ADAMTSL1: variants seen among roughly 807,000 people sequenced by gnomAD.
ADAMTSL1 encodes ADAMTS-like protein 1.
Under a neutral mutation model 201.8 loss-of-function variants are expected in ADAMTSL1, and 126 were observed. The observed-to-expected ratio is 0.62, with a 90% CI of 0.54 to 0.72. The LOEUF (loss-of-function observed/expected upper bound fraction) is 0.72. ADAMTSL1 is among the 30% of genes least tolerant of loss of function. The pLI is 0.00. For synonymous variants in ADAMTSL1, 1,121 were observed against 903.4 expected, an observed-to-expected ratio of 1.24 and a Z score of -4.32; for missense variants, 2,679 against 2,277.8, an observed-to-expected ratio of 1.18 and a Z score of -3.59.
intron 23 of ADAMTSL1, among the ~76,000 whole-genome samples, chr9:18,884,544 A>G (rs1172884169): frequency 6.6e-6 from 1 of 152,066 alleles, no homozygotes; most frequent in Non-Finnish European, 1.5e-5. Flanking sequence ...TTATGCTTTC[A>G]GCTCTTAGGT....
intron 16 of ADAMTSL1, among the ~76,000 whole-genome samples, chr9:18,758,791 A>G (rs1037942675): frequency 3.9e-5 from 6 of 152,132 alleles, no homozygotes; most frequent in African/African-American, 1.4e-4. Context: ...TGAGATGAAG[A>G]TATCTTCGGG....
In ADAMTSL1 at chr9:18,584,327, C is replaced by G. The variant is rs565403090; in HGVS notation, c.474+10061C>G. 1.0e-3 allele frequency among the ~76,000 whole-genome samples: 153 copies of G among 151,568 alleles called. 4 individuals are homozygous for G. The highest frequency in any genetic ancestry group is 8.4e-4 in the Non-Finnish European group (57 of 67,638). ...CAAGCTCTCTTCTTTTGTCTGCCAC[C>G]ATGTGAGATGTCCCTGTCACCTTCT... On this transcript the variant is annotated intron_variant, in intron 4 of 28. Coordinates refer to ENST00000380548, the MANE Select transcript of ADAMTSL1 (RefSeq NM_001040272.6).
intron 20 of ADAMTSL1, among the ~76,000 whole-genome samples, chr9:18,810,056 G>A (rs181377485): frequency 3.4e-4 from 52 of 152,240 alleles, no homozygotes; most frequent in Admixed American, 3.1e-3. Flanking sequence ...AGTCAGAGCT[G>A]GGTAGCTCTA....
At chr9:18,249,000 A>T (rs1041460205) in intron 2 of ADAMTSL1, among the ~76,000 whole-genome samples, 13 of 152,132 alleles carry the variant, frequency 8.5e-5, no homozygotes, top group African/African-American at 3.1e-4. Flanking sequence ...GAGTTTTTGG[A>T]TAGATTTGCA....
chr9:18,811,245 T>C (rs550479167), intron 20 of ADAMTSL1, among the ~76,000 whole-genome samples: 33 of 152,288 alleles, frequency 2.2e-4, no homozygotes, highest in Admixed American at 4.6e-4. Context: ...CCAACCCTCA[T>C]GGAGGGGAGT....
intron 23 of ADAMTSL1, among the ~76,000 whole-genome samples, chr9:18,845,943 C>T (rs1021247304): frequency 4.6e-5 from 7 of 152,076 alleles, no homozygotes; most frequent in Non-Finnish European, 1.0e-4. Flanking sequence ...ATATTAATAT[C>T]CAAAGTTGAA....
chr9:18,840,383 C>T (rs1191297350), intron 23 of ADAMTSL1, among the ~76,000 whole-genome samples: 1 of 152,078 alleles, frequency 6.6e-6, no homozygotes, highest in Non-Finnish European at 1.5e-5. Flanking sequence ...CTGTTCTGTT[C>T]CATTGATCTA....
intron 1 of ADAMTSL1, among the ~76,000 whole-genome samples, chr9:18,133,810 T>C (rs576002883): frequency 6.6e-6 from 1 of 152,156 alleles, no homozygotes; most frequent in Non-Finnish European, 1.5e-5. Context: ...GGGTAAGAAT[T>C]ACTTAAAATA....
chr9:17,940,818 A>G (rs1827212317), intron 1 of ADAMTSL1, among the ~76,000 whole-genome samples: 1 of 131,756 alleles, frequency 7.6e-6, no homozygotes, highest in Non-Finnish European at 1.7e-5. Context: ...CCCCCAAAAA[A>G]AAGAAAGAAA....
At chr9:18,321,306 G>A (rs1272276788) in intron 2 of ADAMTSL1, among the ~76,000 whole-genome samples, 2 of 152,118 alleles carry the variant, frequency 1.3e-5, no homozygotes, top group African/African-American at 4.8e-5. Context: ...AATGTAGAGA[G>A]CAAAAACTGA....
chr9:18,151,955 G>T (rs376274976), intron 1 of ADAMTSL1, among the ~76,000 whole-genome samples: 1 of 152,024 alleles, frequency 6.6e-6, no homozygotes, highest in Non-Finnish European at 1.5e-5. Context: ...ATACTAATTC[G>T]TTTGAGTGGA....
At chr9:18,360,931 A>G (rs1380820867) in intron 2 of ADAMTSL1, among the ~76,000 whole-genome samples, 1 of 152,214 alleles carries the variant, frequency 6.6e-6, no homozygotes, top group African/African-American at 2.4e-5. Flanking sequence ...CCTGCCGCCA[A>G]ATAAATGAAC....
chr9:18,880,140 A>G (rs1192574478), intron 23 of ADAMTSL1, among the ~76,000 whole-genome samples: 2 of 152,312 alleles, frequency 1.3e-5, no homozygotes, highest in East Asian at 3.9e-4. Context: ...CCACATCTGC[A>G]GTGACTTCCT....
At chr9:18,214,000 G>T (rs1196030734) in intron 2 of ADAMTSL1, among the ~76,000 whole-genome samples, 1 of 152,114 alleles carries the variant, frequency 6.6e-6, no homozygotes, top group Non-Finnish European at 1.5e-5. Flanking sequence ...GCCTCCCAAA[G>T]TGCTGGGATT....
intron 2 of ADAMTSL1, among the ~76,000 whole-genome samples, chr9:18,256,439 T>C (rs1206670972): frequency 6.6e-6 from 1 of 152,182 alleles, no homozygotes; most frequent in Non-Finnish European, 1.5e-5. Context: ...TACAGTCCAA[T>C]GAACCCTGAG....
At chr9:18,631,193 A>G (rs187514667) in intron 5 of ADAMTSL1, among the ~76,000 whole-genome samples, 16 of 152,330 alleles carry the variant, frequency 1.1e-4, no homozygotes, top group South Asian at 4.1e-4. Flanking sequence ...ACATATAAAG[A>G]TGAAGTAGAG....
chr9:18,585,196 A>C (rs915448026), intron 4 of ADAMTSL1, among the ~76,000 whole-genome samples: 10 of 152,188 alleles, frequency 6.6e-5, no homozygotes, highest in African/African-American at 2.4e-4. Flanking sequence ...CTGATATATT[A>C]ACATTGTTTT....
intron 1 of ADAMTSL1, among the ~76,000 whole-genome samples, chr9:18,043,369 G>C (rs981230208): frequency 1.3e-5 from 2 of 152,100 alleles, no homozygotes; most frequent in African/African-American, 4.8e-5. Flanking sequence ...AATTTTTTGG[G>C]GGGATGTGTA....
upstream of ADAMTSL1, among the ~76,000 whole-genome samples, chr9:18,470,797 T>C (rs1030688137): frequency 1.3e-5 from 2 of 152,110 alleles, no homozygotes; most frequent in African/African-American, 4.8e-5. Flanking sequence ...TATTGTTAAA[T>C]CCATACCATT....
Sources: gnomAD v4.1 joint callset for allele counts (sites outside exome capture counted in the v4.1 genomes callset) on GRCh38, gnomAD v4.1.1 for gene constraint, MANE v1.5 for transcripts, NCBI Gene and HGNC (gene_info 2026-07-23, HGNC 2026-07-21) for gene names.